Variants in REDIC1 observed in about 807,000 individuals in gnomAD.
The protein encoded by REDIC1 is HEI10 Interacting Protein 1.
chr12:39,745,487 A>C, the REDIC1 span, among the ~76,000 whole-genome samples: 7,916 of 152,242 alleles, frequency 0.052, 711 homozygotes, highest in African/African-American at 0.18. Flanking sequence ...TAGGGGTAAT[A>C]ATAGTGTTTT....
chr12:39,712,168 G>A, the REDIC1 span, among the ~76,000 whole-genome samples: 3 of 139,996 alleles, frequency 2.1e-5, no homozygotes, highest in African/African-American at 8.0e-5. Flanking sequence ...ATATGTACAT[G>A]TATATATACC....
chr12:39,788,164 C>T, the REDIC1 span, among the ~76,000 whole-genome samples: 1 of 152,152 alleles, frequency 6.6e-6, no homozygotes, highest in South Asian at 2.1e-4. Context: ...GATCCTCATA[C>T]CTAGTACCAA....
chr12:39,653,521 C>T, the REDIC1 span, among the ~76,000 whole-genome samples: 1 of 56,596 alleles, frequency 1.8e-5, no homozygotes, highest in African/African-American at 5.1e-5. Flanking sequence ...TCTTCTTCTT[C>T]TTCTTCTTCT....
At chr12:39,714,091 G>GTGCA in the REDIC1 span, among the ~76,000 whole-genome samples, 123 of 8,186 alleles carry the variant, frequency 0.015, no homozygotes, top group Non-Finnish European at 0.03. Flanking sequence ...ACACATATAT[G>GTGCA]TACATGTATA....
chr12:39,829,340 T>G, the REDIC1 span: 1 of 140,612 alleles, frequency 7.1e-6, no homozygotes, highest in South Asian at 2.5e-4. Context: ...GGAAAAGGCC[T>G]CTAAGAATAA....
chr12:39,692,196 T>G, the REDIC1 span: 89 of 1,255,524 alleles, frequency 7.1e-5, no homozygotes, highest in Middle Eastern at 1.7e-3. Context: ...AAGTGATTTT[T>G]TAGATGTTTG....
chr12:39,812,996 ATTTTTTT>A, the REDIC1 span, among the ~76,000 whole-genome samples: 377 of 40,614 alleles, frequency 9.3e-3, 9 homozygotes, highest in South Asian at 0.062. Flanking sequence ...TGCCCAGCTA[ATTTTTTT>A]TTTTTTTTTT....
chr12:39,682,668 T>C, the REDIC1 span: 4 of 1,611,344 alleles, frequency 2.5e-6, no homozygotes, highest in African/African-American at 4.0e-5. Context: ...ATGAAGATTG[T>C]AGAAGCACGG....
At chr12:39,869,555 G>T in the REDIC1 span, among the ~76,000 whole-genome samples, 1 of 152,308 alleles carries the variant, frequency 6.6e-6, no homozygotes, top group African/African-American at 2.4e-5. Context: ...TGAGGCCTTG[G>T]TGGGTTTCAG....
the REDIC1 span, among the ~76,000 whole-genome samples, chr12:39,654,870 C>CT: frequency 1.4e-4 from 22 of 151,802 alleles, no homozygotes; most frequent in African/African-American, 2.4e-4. Context: ...TGCACATGGA[C>CT]TTTTTTTTAG....
At chr12:39,629,813 T>C in the REDIC1 span, among the ~76,000 whole-genome samples, 2 of 152,184 alleles carry the variant, frequency 1.3e-5, no homozygotes, top group Non-Finnish European at 2.9e-5. Context: ...CTACTGTCTC[T>C]TTGAGACTTG....
the REDIC1 span, among the ~76,000 whole-genome samples, chr12:39,713,106 C>A: frequency 2.0e-5 from 3 of 147,548 alleles, no homozygotes; most frequent in Non-Finnish European, 3.0e-5. Context: ...TGTGCATATA[C>A]GTATATATGT....
the REDIC1 span, among the ~76,000 whole-genome samples, chr12:39,770,528 G>C: frequency 6.6e-6 from 1 of 152,128 alleles, no homozygotes; most frequent in Non-Finnish European, 1.5e-5. Context: ...GTAGAACCTT[G>C]AGTTTAGCGG....
the REDIC1 span, chr12:39,764,962 A>G: frequency 4.6e-4 from 585 of 1,285,546 alleles, 2 homozygotes; most frequent in African/African-American, 7.7e-3. Flanking sequence ...TAATGTCTTA[A>G]GAGTCCAAAA....
At chr12:39,677,852 C>G in the REDIC1 span, among the ~76,000 whole-genome samples, 3 of 152,060 alleles carry the variant, frequency 2.0e-5, no homozygotes, top group Non-Finnish European at 4.4e-5. Context: ...TTTGGGTCAA[C>G]AATGAAATCA....
the REDIC1 span, among the ~76,000 whole-genome samples, chr12:39,701,303 C>G: frequency 6.6e-6 from 1 of 152,070 alleles, no homozygotes; most frequent in South Asian, 2.1e-4. Flanking sequence ...TCTGGTAAAA[C>G]AGACTTTAAA....
the REDIC1 span, among the ~76,000 whole-genome samples, chr12:39,737,681 G>A: frequency 3.9e-5 from 6 of 152,234 alleles, no homozygotes; most frequent in Admixed American, 6.5e-5. Context: ...AGTGGAGACA[G>A]TATTTCAACC....
chr12:39,716,860 T>C, the REDIC1 span: 3 of 1,480,144 alleles, frequency 2.0e-6, no homozygotes, highest in Non-Finnish European at 2.8e-6. Context: ...TTGTTTCACT[T>C]ATTAATACAT....
the REDIC1 span, among the ~76,000 whole-genome samples, chr12:39,784,456 C>T: frequency 2.9e-4 from 44 of 152,214 alleles, no homozygotes; most frequent in African/African-American, 8.9e-4. Context: ...ACAAACCTGA[C>T]GAAAGCAAGA....
Sources: gnomAD v4.1 joint callset for allele counts (sites outside exome capture counted in the v4.1 genomes callset) on GRCh38, gnomAD v4.1.1 for gene constraint, MANE v1.5 for transcripts, NCBI Gene and HGNC (gene_info 2026-07-23, HGNC 2026-07-21) for gene names.